ZRANB3: variants seen among roughly 807,000 people sequenced by gnomAD.
The protein encoded by ZRANB3 is DNA annealing helicase and endonuclease ZRANB3.
In ZRANB3, 125 loss-of-function variants were observed where a neutral mutation model predicts 133.8. The ratio of observed to expected loss-of-function variants is 0.93; its 90% CI spans 0.81 to 1.08. The LOEUF is 1.08. Among genes scored for constraint, ZRANB3 ranks in the 50% least tolerant of loss-of-function variants. The pLI, the probability that ZRANB3 is intolerant of heterozygous loss-of-function variation, is 0.00. For missense variants in ZRANB3, 1,229 were observed against 1,275.5 expected, an observed-to-expected ratio of 0.96 and a Z score of 0.56; for synonymous variants, 387 against 432.7, an observed-to-expected ratio of 0.89 and a Z score of 1.31.
intron 6 of ZRANB3, among the ~76,000 whole-genome samples, chr2:135,344,842 G>T (rs139701887): frequency 6.6e-6 from 1 of 152,276 alleles, no homozygotes; most frequent in East Asian, 1.9e-4. Flanking sequence ...GCAAACTGCA[G>T]AATAATGCAC....
intron 2 of ZRANB3, among the ~76,000 whole-genome samples, chr2:135,485,518 T>C (rs1692075057): frequency 6.6e-6 from 1 of 152,224 alleles, no homozygotes; most frequent in South Asian, 2.1e-4. Flanking sequence ...ATAATTATTA[T>C]AGCAGTCACC....
At chr2:135,323,252 A>G (rs6706009) in intron 6 of ZRANB3, among the ~76,000 whole-genome samples, 40,635 of 152,110 alleles carry the variant, frequency 0.27, 9,127 homozygotes, top group African/African-American at 0.6. Context: ...GAAAATTTAC[A>G]ACACTCTGTT....
rs536039230 is a variant in ZRANB3 at position 135,219,512 on chromosome 2, T to C, written c.2251-334A>G. Reference sequence around the variant, plus strand: ...AGATGTATCAAAACAATAAAATTTGTACACTGCAAATTAATATAGAAGAAT... The same window carrying C: ...AGATGTATCAAAACAATAAAATTTGCACACTGCAAATTAATATAGAAGAAT... On this transcript the variant is annotated intron_variant, in intron 15 of 20. Transcript: ENST00000264159. Among the ~76,000 whole-genome samples the C allele has an allele frequency of 5.5e-4, 84 of 152,382 alleles. No homozygotes were observed. The Middle Eastern group carries it at 0.01, about 19-fold the overall frequency.
At chr2:135,204,664 C>CAT (rs898378391) in intron 19 of ZRANB3, among the ~76,000 whole-genome samples, 2,761 of 134,418 alleles carry the variant, frequency 0.021, 90 homozygotes, top group African/African-American at 0.071. Flanking sequence ...TATATATATA[C>CAT]ATATATATAT....
chr2:135,207,506 C>CAA lies in ZRANB3; in HGVS notation c.2936_2937insTT (p.Arg980Ter). 1 of 1,614,010 alleles carries CAA rather than the reference C, an allele frequency of 6.2e-7. No individual in the cohort carries two copies. The highest frequency in any genetic ancestry group is 8.5e-7 in the Non-Finnish European group (1 of 1,179,886). On this transcript the variant is annotated frameshift_variant, in exon 19 of 21. Coordinates refer to ENST00000264159, the MANE Select transcript of ZRANB3 (RefSeq NM_032143.4). LOFTEE classifies it high-confidence loss of function. ...TCCTCTGACTTTTAGGGGCATCTCT[C>CAA]AGACGTAAAAAGAGTTCTTGTGCGT...
Position 135,284,009 on chromosome 2 carries a change from A to G in ZRANB3, c.967-8254T>C, listed in dbSNP as rs180776449. Among the ~76,000 whole-genome samples, 48 of 152,292 alleles carry G rather than the reference A, an allele frequency of 3.2e-4. 1 individual carries two copies. The highest frequency in any genetic ancestry group is 1.1e-3 in the African/African-American group (44 of 41,572). The stretch of plus-strand genomic sequence containing the variant: ...TAAAAAAAATCACTAATAGAAAAAC[A>G]GGTAACACATTAATCCATGGTCACT... On this transcript the variant is annotated intron_variant, in intron 8 of 20. Coordinates refer to ENST00000264159, the MANE Select transcript of ZRANB3 (RefSeq NM_032143.4).
At chr2:135,494,232 C>T (rs1267166462) in intron 2 of ZRANB3, among the ~76,000 whole-genome samples, 3 of 139,890 alleles carry the variant, frequency 2.1e-5, no homozygotes, top group East Asian at 2.1e-4. Flanking sequence ...GGCATGAACC[C>T]GAGAGGCGGA....
chr2:135,450,228 T>C (rs1690206295), intron 2 of ZRANB3, among the ~76,000 whole-genome samples: 1 of 150,486 alleles, frequency 6.6e-6, no homozygotes, highest in South Asian at 2.1e-4. Flanking sequence ...ATGACGCCAC[T>C]GCACTCCAGC....
chr2:135,418,925 C>CTTTTTTTTTTTTTTTTT lies in ZRANB3; in HGVS notation c.162-28122_162-28106dup, dbSNP rs769271961. ...AAGTAATGAAAAATAAGGATTCTCT[C>CTTTTTTTTTTTTTTTTT]TTTTTTTTTTTTTTTTTTTTTTTTT... On this transcript the variant is annotated intron_variant, in intron 2 of 20. Coordinates refer to ENST00000264159, the MANE Select transcript of ZRANB3 (RefSeq NM_032143.4). Among the ~76,000 whole-genome samples, 35 of 85,898 alleles carry CTTTTTTTTTTTTTTTTT rather than the reference C, an allele frequency of 4.1e-4. 3 individuals carry two copies. Among genetic ancestry groups the CTTTTTTTTTTTTTTTTT allele is most frequent in the African/African-American group, 1.1e-3 (24 of 22,110 alleles). 56.4% of individuals were successfully genotyped at this position (85,898 alleles called of 152,430 possible). A position where few individuals can be genotyped will look rare whatever the true frequency, so the allele number is the denominator to read the frequency against.
At chr2:135,216,276 G>T (rs1355979461) in intron 17 of ZRANB3, among the ~76,000 whole-genome samples, 1 of 151,694 alleles carries the variant, frequency 6.6e-6, no homozygotes, top group Non-Finnish European at 1.5e-5. Flanking sequence ...CCAACCCCCT[G>T]GATTTTTTTC....
chr2:135,479,108 CT>C (rs551277897), intron 2 of ZRANB3, among the ~76,000 whole-genome samples: 617 of 142,336 alleles, frequency 4.3e-3, no homozygotes, highest in African/African-American at 5.5e-3. Context: ...CTGGTATTGT[CT>C]TTTTTTTTTT....
intron 14 of ZRANB3, among the ~76,000 whole-genome samples, chr2:135,227,080 A>T (rs1694784698): frequency 6.6e-6 from 1 of 152,238 alleles, no homozygotes; most frequent in Non-Finnish European, 1.5e-5. Flanking sequence ...AAGCTTCAAC[A>T]GTCTCATCCC....
chr2:135,528,230 C>G (rs1485060381), intron 1 of ZRANB3, among the ~76,000 whole-genome samples: 1 of 151,746 alleles, frequency 6.6e-6, no homozygotes, highest in Non-Finnish European at 1.5e-5. Context: ...CTCATTGCAG[C>G]TTTGACCTCC....
chr2:135,315,210 A>G (rs1366887047), intron 7 of ZRANB3, 149 bp downstream of exon 7: 11 of 690,690 alleles, frequency 1.6e-5, no homozygotes. Flanking sequence ...TTCTTGCTGA[A>G]ATACAAAACC....
At chr2:135,433,035 G>A (rs1316289610) in intron 2 of ZRANB3, among the ~76,000 whole-genome samples, 1 of 152,106 alleles carries the variant, frequency 6.6e-6, no homozygotes, top group East Asian at 1.9e-4. Flanking sequence ...GATTATCAAA[G>A]GTATCCAAGG....
chr2:135,311,512 AT>A (rs1304759060), intron 8 of ZRANB3, among the ~76,000 whole-genome samples: 28 of 152,210 alleles, frequency 1.8e-4, no homozygotes, highest in South Asian at 4.1e-4. Flanking sequence ...TACATGAATG[AT>A]TATACCACTT....
At chr2:135,289,278 C>T (rs556355573) in intron 8 of ZRANB3, among the ~76,000 whole-genome samples, 6 of 152,118 alleles carry the variant, frequency 3.9e-5, no homozygotes, top group Admixed American at 1.3e-4. Flanking sequence ...GTTTTTAAGA[C>T]GGAGTCTCAC....
intron 2 of ZRANB3, among the ~76,000 whole-genome samples, chr2:135,473,704 A>T (rs1207760542): frequency 1.3e-5 from 2 of 152,222 alleles, no homozygotes; most frequent in Non-Finnish European, 2.9e-5. Flanking sequence ...TTTGTCTTAA[A>T]TAGAACCAAG....
chr2:135,299,849 G>A (rs1371064604), intron 8 of ZRANB3, among the ~76,000 whole-genome samples: 2 of 152,152 alleles, frequency 1.3e-5, no homozygotes, highest in Non-Finnish European at 2.9e-5. Flanking sequence ...GACCTAATTT[G>A]CTGACATGAC....
Sources: allele counts gnomAD v4.1 joint callset (sites outside exome capture counted in the v4.1 genomes callset), GRCh38; gene constraint gnomAD v4.1.1; transcripts MANE v1.5; gene names NCBI Gene and HGNC (gene_info 2026-07-23, HGNC 2026-07-21).